MEF2A: variants seen among roughly 807,000 people sequenced by gnomAD.
MEF2A encodes myocyte enhancer factor 2A.
MEF2A carries 28 observed loss-of-function variants against 55.8 expected under a neutral mutation model. The observed-to-expected ratio is 0.50, with a 90% CI of 0.37 to 0.69. The LOEUF (loss-of-function observed/expected upper bound fraction) is 0.69. MEF2A is among the 30% of genes least tolerant of loss of function. The probability of loss-of-function intolerance (pLI) is 0.00; values close to 1 mark genes in which losing one functional copy is unlikely to be tolerated. For missense variants in MEF2A, 528 were observed against 626.2 expected, an observed-to-expected ratio of 0.84 and a Z score of 1.67; for synonymous variants, 239 against 227.1, an observed-to-expected ratio of 1.05 and a Z score of -0.47.
At chr15:99,629,877 T>A (rs1360964727) in intron 2 of MEF2A, among the ~76,000 whole-genome samples, 1 of 151,962 alleles carries the variant, frequency 6.6e-6, no homozygotes, top group Non-Finnish European at 1.5e-5. Flanking sequence ...GAAGCGGAAG[T>A]TGCAGTGAGC....
chr15:99,665,583 G>A (rs932902786), intron 4 of MEF2A, among the ~76,000 whole-genome samples: 5 of 151,906 alleles, frequency 3.3e-5, no homozygotes, highest in African/African-American at 1.2e-4. Context: ...TAGATAAATA[G>A]GATCTGATTA....
chr15:99,601,447 A>C (rs1972911550), intron 2 of MEF2A, among the ~76,000 whole-genome samples: 1 of 150,546 alleles, frequency 6.6e-6, no homozygotes, highest in Non-Finnish European at 1.5e-5. Context: ...GAGAACTAAC[A>C]TCCTTGCCTT....
intron 4 of MEF2A, among the ~76,000 whole-genome samples, chr15:99,652,533 A>G (rs1031631673): frequency 1.3e-5 from 2 of 152,170 alleles, no homozygotes; most frequent in Admixed American, 1.3e-4. Context: ...TTATATGGAA[A>G]TTAGGAAATG....
At chr15:99,644,842 G>C (rs1204963838) in intron 3 of MEF2A, among the ~76,000 whole-genome samples, 1 of 152,126 alleles carries the variant, frequency 6.6e-6, no homozygotes, top group Admixed American at 6.6e-5. Flanking sequence ...GAGGGTTGTT[G>C]GGTGGTATAA....
chr15:99,688,938 T>TGG (rs2054835652), intron 7 of MEF2A, among the ~76,000 whole-genome samples: 1 of 152,210 alleles, frequency 6.6e-6, no homozygotes, highest in South Asian at 2.1e-4. Context: ...TAAGTTCATC[T>TGG]GGGGGCTGGA....
chr15:99,708,145 G>A (rs1162536143), intron 10 of MEF2A, among the ~76,000 whole-genome samples: 1 of 152,244 alleles, frequency 6.6e-6, no homozygotes, highest in Admixed American at 6.5e-5. Context: ...CACCTGCTCT[G>A]TGAGAGACTG....
At chr15:99,682,812 T>C (rs2053490841) in intron 7 of MEF2A, among the ~76,000 whole-genome samples, 1 of 152,236 alleles carries the variant, frequency 6.6e-6, no homozygotes, top group South Asian at 2.1e-4. Flanking sequence ...CTTGATGATG[T>C]GTGGCTCTGA....
In MEF2A at chr15:99,621,844, A is replaced by C. The variant is rs1183305204; in HGVS notation, c.-142-11134A>C. Among the ~76,000 whole-genome samples the C allele has an allele frequency of 6.6e-5, 10 of 152,278 alleles. No homozygotes were observed. The East Asian group carries it at 1.9e-3, about 29-fold the overall frequency. On this transcript the variant is annotated intron_variant, in intron 2 of 11. Transcript: ENST00000557942. The stretch of plus-strand genomic sequence containing the variant: ...TTGTACATAATCATTTTTATTCCAA[A>C]AATCATTTGCTAGTTTAAAAAAAAT...
At chr15:99,699,783 CAT>C (rs1240256549) in intron 8 of MEF2A, among the ~76,000 whole-genome samples, 1 of 151,756 alleles carries the variant, frequency 6.6e-6, no homozygotes, top group Non-Finnish European at 1.5e-5. Flanking sequence ...AAGGGTTGAA[CAT>C]ATAAATAAAT....
chr15:99,606,174 C>A (rs1258222215), intron 2 of MEF2A, among the ~76,000 whole-genome samples: 2 of 151,942 alleles, frequency 1.3e-5, no homozygotes, highest in African/African-American at 2.4e-5. Flanking sequence ...GTCAATAAAT[C>A]GTCCTGGAAC....
At chr15:99,617,871 G>A (rs1379920043) in intron 2 of MEF2A, among the ~76,000 whole-genome samples, 1 of 152,130 alleles carries the variant, frequency 6.6e-6, no homozygotes, top group Non-Finnish European at 1.5e-5. Flanking sequence ...AATGATTCTA[G>A]TGTATTTTCT....
chr15:99,612,181 C>T (rs572719973), intron 2 of MEF2A, among the ~76,000 whole-genome samples: 2 of 152,098 alleles, frequency 1.3e-5, no homozygotes, highest in Admixed American at 1.3e-4. Flanking sequence ...TTTGGGAGGC[C>T]GAGATGGGTG....
chr15:99,703,508 A>T, intron 9 of MEF2A, 123 bp downstream of exon 9: 8 of 835,478 alleles, frequency 9.6e-6, no homozygotes, highest in Non-Finnish European at 1.4e-5. Context: ...CTATTCAAAC[A>T]CTTTGAATAA....
In MEF2A at chr15:99,712,910, G is replaced by T; in HGVS notation, c.*139G>T. ...ATCCCTTTACATATATATGTATGTGGGTGTGAGTGTGTATGTGTGGGTGTG... is the reference window on the plus strand; with the variant it reads ...ATCCCTTTACATATATATGTATGTGTGTGTGAGTGTGTATGTGTGGGTGTG... On this transcript the variant is annotated 3_prime_UTR_variant, in exon 12 of 12. Transcript: ENST00000557942. The surrounding 1 kb of genome is among the most constrained non-coding windows in gnomAD (Gnocchi z 4.1). 4.3e-6 allele frequency: 4 copies of T among 926,700 alleles called. No homozygotes were observed. The highest frequency in any genetic ancestry group is 1.8e-5 in the South Asian group (1 of 55,422). The allele number at this position is 926,700 out of a possible 1,614,324, so 57.4% of individuals were successfully genotyped here.
chr15:99,669,293 G>A (rs979054256), intron 4 of MEF2A, among the ~76,000 whole-genome samples: 26 of 152,200 alleles, frequency 1.7e-4, no homozygotes, highest in Admixed American at 1.6e-3. Flanking sequence ...ACTAGAATAA[G>A]TCAACAACTT....
At position 99,713,212 on chromosome 15, in the gene MEF2A, G is replaced by A; in HGVS notation, c.*441G>A. Reference sequence around the variant, plus strand: ...AGAAAATGCTTTGTAGAACAGAGCAGTAGAAAAGCAGGAACCAAGAAAGCA... The same window carrying A: ...AGAAAATGCTTTGTAGAACAGAGCAATAGAAAAGCAGGAACCAAGAAAGCA... On this transcript the variant is annotated 3_prime_UTR_variant, in exon 12 of 12. Coordinates refer to ENST00000557942, the MANE Select transcript of MEF2A (RefSeq NM_001319206.4). 2.5e-6 allele frequency: 1 copy of A among 399,126 alleles called. No individual in the cohort carries two copies. Among genetic ancestry groups the A allele is most frequent in the Non-Finnish European group, 4.4e-6 (1 of 226,722 alleles). The allele number at this position is 399,126 out of a possible 1,614,324, so 24.7% of individuals were successfully genotyped here.
chr15:99,673,847 G>C lies in MEF2A; in HGVS notation c.391-546G>C, dbSNP rs941610997. Among the ~76,000 whole-genome samples the C allele has an allele frequency of 2.2e-5, 3 of 135,998 alleles. No individual in the cohort carries two copies. The Admixed American group carries it at 2.4e-4, about 11-fold the overall frequency. The allele number at this position is 135,998 out of a possible 152,430, so 89.2% of individuals were successfully genotyped here. On this transcript the variant is annotated intron_variant, in intron 5 of 11. Coordinates refer to ENST00000557942, the MANE Select transcript of MEF2A (RefSeq NM_001319206.4). ...CATTAAACTCAAATTGCATTGTTAT[G>C]TATATAATTACTTTTTTTTTTTCTT...
At chr15:99,599,215 G>A (rs571888871) in intron 2 of MEF2A, among the ~76,000 whole-genome samples, 1 of 151,988 alleles carries the variant, frequency 6.6e-6, no homozygotes, top group Non-Finnish European at 1.5e-5. Flanking sequence ...TACTTAAAAT[G>A]GAAAAGAAGT....
At chr15:99,696,775 A>C (rs1267048187) in intron 8 of MEF2A, among the ~76,000 whole-genome samples, 1 of 151,978 alleles carries the variant, frequency 6.6e-6, no homozygotes, top group African/African-American at 2.4e-5. Context: ...TTCAGAAAAA[A>C]TTAGGAGAGA....
Sources: allele counts gnomAD v4.1 joint callset (sites outside exome capture counted in the v4.1 genomes callset), GRCh38; gene constraint gnomAD v4.1.1; non-coding constraint Gnocchi (gnomAD v3.1); transcripts MANE v1.5; gene names NCBI Gene and HGNC (gene_info 2026-07-23, HGNC 2026-07-21).